C14orf39: variants seen among roughly 807,000 people sequenced by gnomAD.
C14orf39 encodes protein SIX6OS1.
A neutral mutation model predicts 85.6 loss-of-function variants in C14orf39; 66 were observed. That is an observed-to-expected ratio of 0.77 (90% CI 0.63 to 0.95). The LOEUF is 0.95. Ranked by LOEUF, C14orf39 falls within the 40% of genes least tolerant of loss-of-function variation. The pLI is 0.00. For synonymous variants in C14orf39, 242 were observed against 214.0 expected (o/e 1.13, Z -1.14); for missense variants, 735 against 663.9 (o/e 1.11, Z -1.18).
In C14orf39 at chr14:60,491,371, T is replaced by C. The variant is rs1436450402; in HGVS notation, c.-8-6285A>G. On this transcript the variant is annotated intron_variant, in intron 2 of 5. Transcript: ENST00000556799. This position sits in a 1 kb window ranked among gnomAD's most constrained non-coding sequence, Gnocchi z 4.5. ...CCTCAAGCCCTTTTATAGGCACTAA[T>C]ACTAAGCCCTCATCACGCCTCTTAA... Among the ~76,000 whole-genome samples, 1 of 152,156 alleles carries C rather than the reference T, an allele frequency of 6.6e-6. No homozygotes were observed. The highest frequency in any genetic ancestry group is 1.5e-5 in the Non-Finnish European group (1 of 68,026).
chr14:60,465,913 T>A, intron 11 of C14orf39, 66 bp downstream of exon 11: 13 of 768,086 alleles, frequency 1.7e-5, no homozygotes, highest in Non-Finnish European at 2.6e-5. Flanking sequence ...TTAAGGGCAG[T>A]ACATTCATTA....
intron 5 of C14orf39, among the ~76,000 whole-genome samples, chr14:60,475,803 A>T (rs1347086856): frequency 6.6e-6 from 1 of 152,126 alleles, no homozygotes; most frequent in Non-Finnish European, 1.5e-5. Flanking sequence ...CTTTTTCCCC[A>T]ATTCTTATCA....
intron 17 of C14orf39, among the ~76,000 whole-genome samples, 178 bp downstream of exon 17, chr14:60,441,896 G>A (rs1445836404): frequency 1.3e-5 from 2 of 152,060 alleles, no homozygotes; most frequent in East Asian, 3.8e-4. Context: ...AGTTTTAATA[G>A]AGTAGTGAGA....
upstream of C14orf39, among the ~76,000 whole-genome samples, chr14:60,487,173 A>C (rs987120553): frequency 2.0e-5 from 3 of 152,322 alleles, no homozygotes; most frequent in Non-Finnish European, 4.4e-5. Flanking sequence ...GACACAATAC[A>C]GTATTATTAA....
intron 16 of C14orf39, among the ~76,000 whole-genome samples, chr14:60,448,394 A>G (rs1890879293): frequency 6.6e-6 from 1 of 152,238 alleles, no homozygotes; most frequent in African/African-American, 2.4e-5. Flanking sequence ...ACTTCTCAAA[A>G]GCAGACATTT....
chr14:60,513,269 G>A (rs1212793708), intron 1 of C14orf39, among the ~76,000 whole-genome samples: 1 of 152,162 alleles, frequency 6.6e-6, no homozygotes, highest in Admixed American at 6.5e-5. Context: ...AAGCCCTCCT[G>A]TGGGTCCTGA....
At chr14:60,437,747 T>C (rs552152858) in intron 17 of C14orf39, among the ~76,000 whole-genome samples, 19 of 152,146 alleles carry the variant, frequency 1.2e-4, no homozygotes, top group African/African-American at 4.3e-4. Flanking sequence ...AGATACTGTA[T>C]AAGTTAAACT....
intron 2 of C14orf39, among the ~76,000 whole-genome samples, chr14:60,492,774 C>A (rs748610008): frequency 6.6e-6 from 1 of 151,832 alleles, no homozygotes; most frequent in Non-Finnish European, 1.5e-5. Flanking sequence ...CAGAGCAAGA[C>A]CCTGTCTCAA....
At chr14:60,509,439 T>C (rs1454503110) in intron 1 of C14orf39, 1 of 1,599,636 alleles carries the variant, frequency 6.3e-7, no homozygotes, top group African/African-American at 1.3e-5. Flanking sequence ...CCCCAGCAAG[T>C]GGCCGGGGTA....
chr14:60,498,473 T>A (rs1893098551), intron 2 of C14orf39, among the ~76,000 whole-genome samples: 1 of 152,242 alleles, frequency 6.6e-6, no homozygotes, highest in Admixed American at 6.5e-5. Context: ...CCAGACAATT[T>A]TCCAAACTCT....
rs749735167 is a variant in C14orf39, at chr14:60,442,057, A to C, written c.1561+17T>G. 6 of 1,595,514 alleles carry C rather than the reference A, an allele frequency of 3.8e-6. No individual in the cohort carries two copies. The South Asian group carries it at 5.5e-5, about 15-fold the overall frequency. On this transcript the variant is annotated intron_variant, in intron 17 of 17. Coordinates refer to ENST00000321731, the MANE Select transcript of C14orf39 (RefSeq NM_174978.3). ...AGTTAACATGTTTTTAAAGGTAGCA[A>C]ACTTCAAACAACTTACCAATCTCTT... is the stretch of plus-strand genomic sequence containing the variant.
intron 2 of C14orf39, chr14:60,494,175 TC>T: frequency 3.4e-6 from 1 of 292,264 alleles, no homozygotes; most frequent in Non-Finnish European, 6.9e-6. Flanking sequence ...TGAGACTCTT[TC>T]CATTCATATC....
intron 1 of C14orf39, 58 bp from the exon 2 acceptor site, chr14:60,485,144 T>C: frequency 7.1e-7 from 1 of 1,406,056 alleles, no homozygotes; most frequent in Non-Finnish European, 9.8e-7. Context: ...CAAAACAGGA[T>C]ATATTTCGTA....
chr14:60,497,693 T>C (rs549180582), intron 2 of C14orf39, among the ~76,000 whole-genome samples: 1 of 152,234 alleles, frequency 6.6e-6, no homozygotes, highest in Admixed American at 6.5e-5. Context: ...CTAGCCCACA[T>C]GGTGAAACCC....
chr14:60,441,833 C>T (rs1254324), intron 17 of C14orf39, among the ~76,000 whole-genome samples: 26,829 of 151,948 alleles, frequency 0.18, 4,006 homozygotes, highest in African/African-American at 0.4. Flanking sequence ...ATAATAAATA[C>T]AAGATACCCA....
chr14:60,438,807 G>T (rs891298917), intron 17 of C14orf39, among the ~76,000 whole-genome samples: 10 of 152,128 alleles, frequency 6.6e-5, no homozygotes, highest in Non-Finnish European at 1.5e-4. Context: ...GAAGTAAAAA[G>T]CAGGTAAGAA....
At chr14:60,507,071 G>A (rs965749091) in intron 1 of C14orf39, among the ~76,000 whole-genome samples, 1 of 152,120 alleles carries the variant, frequency 6.6e-6, no homozygotes, top group African/African-American at 2.4e-5. Context: ...GATCGGGGTC[G>A]GCTCTCGGCT....
At chr14:60,501,959 A>G (rs1334545542) in intron 1 of C14orf39, among the ~76,000 whole-genome samples, 2 of 152,348 alleles carry the variant, frequency 1.3e-5, no homozygotes, top group East Asian at 3.9e-4. Flanking sequence ...TTTAATCCCT[A>G]CATCTATCCC....
intron 1 of C14orf39, among the ~76,000 whole-genome samples, chr14:60,506,679 C>A (rs970716874): frequency 1.3e-5 from 2 of 152,202 alleles, no homozygotes; most frequent in African/African-American, 4.8e-5. Context: ...CCCCAACCTC[C>A]AGGCACTTCT....
Sources: gnomAD v4.1 joint callset for allele counts (sites outside exome capture counted in the v4.1 genomes callset) on GRCh38, gnomAD v4.1.1 for gene constraint, Gnocchi (gnomAD v3.1) non-coding constraint, MANE v1.5 for transcripts, NCBI Gene and HGNC (gene_info 2026-07-23, HGNC 2026-07-21) for gene names.